FBXO33: variants seen among roughly 807,000 people sequenced by gnomAD.
The protein encoded by FBXO33 is F-box only protein 33.
Under a neutral mutation model 46.3 loss-of-function variants are expected in FBXO33, and 22 were observed. The observed-to-expected ratio is 0.48, with a 90% CI of 0.34 to 0.68. The LOEUF is 0.68. Among genes scored for constraint, FBXO33 ranks in the 30% least tolerant of loss-of-function variants. The probability of loss-of-function intolerance (pLI) is 0.01; values close to 1 mark genes in which losing one functional copy is unlikely to be tolerated. For synonymous variants in FBXO33, 337 were observed against 291.3 expected, an observed-to-expected ratio of 1.16 and a Z score of -1.60; for missense variants, 692 against 708.8, an observed-to-expected ratio of 0.98 and a Z score of 0.27.
chr14:39,428,420 G>C (rs772750759), intron 1 of FBXO33, among the ~76,000 whole-genome samples: 11 of 152,054 alleles, frequency 7.2e-5, no homozygotes, highest in African/African-American at 2.4e-4. Context: ...GGCTGGTCTC[G>C]AACTCCTGAC....
In FBXO33 at chr14:39,431,619, G is replaced by A. The variant is rs754388441; in HGVS notation, c.544C>T (p.Leu182=). ...LQLSARWLEV[L]RTYLELVLCV... ...AGCACCAGCTCCAAGTAGGTGCGCA[G>A]CACTTCCAGCCAACGAGCTGAGAGC... Residue 182 remains leucine (L), a synonymous_variant, in exon 1 of 4, where the codon CTG becomes TTG. Coordinates refer to ENST00000298097, the MANE Select transcript of FBXO33 (RefSeq NM_203301.4). 6.2e-7 allele frequency: 1 copy of A among 1,613,576 alleles called. No individual in the cohort carries two copies. The highest frequency in any genetic ancestry group is 1.7e-5 in the Admixed American group (1 of 60,036).
Position 39,431,568 on chromosome 14 carries a change from T to G in FBXO33, c.595A>C (p.Asn199His). 1 of 1,612,040 alleles carries G rather than the reference T, an allele frequency of 6.2e-7. No individual in the cohort carries two copies. Among genetic ancestry groups the G allele is most frequent in the Non-Finnish European group, 8.5e-7 (1 of 1,180,008 alleles). ...CGGGGCTCAGGGCAAGCCTACCTGT[T>G]GTTCCGGATGCTGACCAGCACGCAA... ...VLCVLVSIRN[N>H]RNLQKFSLFG... is the part of the protein sequence containing the mutation. The change falls in exon 1 of 4, where the codon AAC (asparagine) becomes CAC (histidine). Residue 199 changes from asparagine (N) to histidine (H), a missense_variant. Coordinates refer to ENST00000298097, the MANE Select transcript of FBXO33 (RefSeq NM_203301.4).
At chr14:39,402,354 CAT>C in intron 2 of FBXO33, 45 bp downstream of exon 2, 1 of 1,067,186 alleles carries the variant, frequency 9.4e-7, no homozygotes, top group Non-Finnish European at 1.3e-6. Flanking sequence ...TTAGGAAAAA[CAT>C]ATTATTAATA....
chr14:39,420,722 T>TA (rs1290642119), intron 1 of FBXO33, among the ~76,000 whole-genome samples: 1 of 151,812 alleles, frequency 6.6e-6, no homozygotes, highest in African/African-American at 2.4e-5. Flanking sequence ...GCAAATGTGG[T>TA]AAAATCTTCA....
chr14:39,423,050 A>C (rs2075493048), intron 1 of FBXO33, among the ~76,000 whole-genome samples: 1 of 152,178 alleles, frequency 6.6e-6, no homozygotes, highest in Admixed American at 6.5e-5. Context: ...TGAACCTGGG[A>C]AGCGGAGGTT....
In FBXO33 at chr14:39,398,813, G is replaced by A. The variant is rs1461045903; in HGVS notation, c.*703C>T. ...TTCTTCCCCCACTATTTGAAATCTG[G>A]GCTAAATGAATGTGTAATGTAATTG... On this transcript the variant is annotated 3_prime_UTR_variant, in exon 4 of 4. Coordinates refer to ENST00000298097, the MANE Select transcript of FBXO33 (RefSeq NM_203301.4). 1 of 152,334 alleles carries A rather than the reference G, an allele frequency of 6.6e-6. No individual in the cohort carries two copies. Among genetic ancestry groups the A allele is most frequent in the Middle Eastern group, 3.4e-3 (1 of 294 alleles). The allele number at this position is 152,334 out of a possible 1,614,324, so 9.4% of individuals were successfully genotyped here.
chr14:39,423,356 CT>C (rs1428420751), intron 1 of FBXO33, among the ~76,000 whole-genome samples: 1 of 152,110 alleles, frequency 6.6e-6, no homozygotes, highest in African/African-American at 2.4e-5. Context: ...TTTTGAAAAG[CT>C]TTTTGGTTAT....
At chr14:39,424,830 G>A (rs2075503110) in intron 1 of FBXO33, among the ~76,000 whole-genome samples, 2 of 152,100 alleles carry the variant, frequency 1.3e-5, no homozygotes, top group African/African-American at 4.8e-5. Context: ...CAAGGCAGGC[G>A]GATCATGAGG....
chr14:39,402,159 AAAGGC>A (rs998903668), intron 2 of FBXO33, among the ~76,000 whole-genome samples: 2 of 152,242 alleles, frequency 1.3e-5, no homozygotes, highest in African/African-American at 4.8e-5. Context: ...ATGTTATAGC[AAAGGC>A]AAGTAGAGGA....
Position 39,401,166 on chromosome 14 carries a change from G to T in FBXO33, c.1396+10C>A. On this transcript the variant is annotated intron_variant, in intron 3 of 3. Coordinates refer to ENST00000298097, the MANE Select transcript of FBXO33 (RefSeq NM_203301.4). ...TCCAGTATCAGATTACAATGAACAAGATCACCTACCATGAATTGCCAGAAG... is the reference window on the plus strand; with the variant it reads ...TCCAGTATCAGATTACAATGAACAATATCACCTACCATGAATTGCCAGAAG... The T allele has an allele frequency of 3.2e-6, 5 of 1,564,256 alleles. No homozygotes were observed. Among genetic ancestry groups the T allele is most frequent in the South Asian group, 1.2e-5 (1 of 80,832 alleles).
At chr14:39,418,988 C>A (rs1485670410) in intron 1 of FBXO33, among the ~76,000 whole-genome samples, 1 of 152,090 alleles carries the variant, frequency 6.6e-6, no homozygotes, top group Non-Finnish European at 1.5e-5. Context: ...ACAATACATG[C>A]ACAAACTTTC....
intron 1 of FBXO33, 74 bp downstream of exon 1, chr14:39,431,490 C>G (rs1327629851): frequency 6.3e-7 from 1 of 1,593,804 alleles, no homozygotes; most frequent in East Asian, 2.2e-5. Flanking sequence ...GTATTATGCA[C>G]AGAATCTGTG....
chr14:39,411,488 A>G (rs1273682818), intron 1 of FBXO33, among the ~76,000 whole-genome samples: 1 of 149,670 alleles, frequency 6.7e-6, no homozygotes, highest in Non-Finnish European at 1.5e-5. Context: ...GTTGTTTTTT[A>G]TTTTTATTTG....
chr14:39,430,387 A>G (rs1178946965), intron 1 of FBXO33, among the ~76,000 whole-genome samples: 1 of 152,150 alleles, frequency 6.6e-6, no homozygotes, highest in Admixed American at 6.5e-5. Context: ...TATATATATA[A>G]CCTTATATCT....
rs117883003 is a variant in FBXO33 at position 39,411,433 on chromosome 14, T to C, written c.600-8922A>G. Among the ~76,000 whole-genome samples, 140 of 152,194 alleles carry C rather than the reference T, an allele frequency of 9.2e-4. 3 individuals are homozygous for C. The South Asian group carries it at 1.0e-2, about 11-fold the overall frequency. On this transcript the variant is annotated intron_variant, in intron 1 of 3. Transcript: ENST00000298097. ...ACATAGGGCATTTTTTGCTATAAAT[T>C]TTCCTTTTAGTATTGCTTTTGCCAC...
chr14:39,401,102 T>C, intron 3 of FBXO33, 74 bp downstream of exon 3: 1 of 1,326,890 alleles, frequency 7.5e-7, no homozygotes, highest in Non-Finnish European at 1.0e-6. Context: ...TAAAGGTCAG[T>C]GCTATCTCTT....
intron 1 of FBXO33, among the ~76,000 whole-genome samples, chr14:39,407,015 A>C (rs2075401837): frequency 6.6e-6 from 1 of 152,196 alleles, no homozygotes; most frequent in Non-Finnish European, 1.5e-5. Context: ...AAAAATTCTA[A>C]GGAATCTAAA....
chr14:39,399,542 T>A lies in FBXO33; in HGVS notation c.1642A>T (p.Met548Leu), dbSNP rs1305323056. 1.9e-6 allele frequency: 3 copies of A among 1,612,250 alleles called. No homozygotes were observed. Among genetic ancestry groups the A allele is most frequent in the Non-Finnish European group, 2.5e-6 (3 of 1,178,942 alleles). The change falls in exon 4 of 4, where the codon ATG becomes TTG. Residue 548 changes from methionine (M) to leucine (L), a missense_variant. This residue lies in a region of FBXO33 where 94 missense variants were observed against 91.9 expected (regional missense o/e 1.02). Transcript: ENST00000298097. Reference sequence around the variant, plus strand: ...TAAATGTCTTCACTGAAGCTTTGCATCTCTCTGTAAAAATGACGATTTGGT... The same window carrying A: ...TAAATGTCTTCACTGAAGCTTTGCAACTCTCTGTAAAAATGACGATTTGGT... ...TEPNRHFYREMQSFSEDI is the reference protein window; with the variant it reads ...TEPNRHFYRELQSFSEDI
Position 39,432,160 on chromosome 14 carries a change from C to CATCAAT in FBXO33, c.-4_2dup (p.Ile1_?0). On this transcript the variant is annotated start_lost and start_retained_variant, in exon 1 of 4. Coordinates refer to ENST00000298097, the MANE Select transcript of FBXO33 (RefSeq NM_203301.4). ...GCTGCGGCACTGACAAGAACAACAACATCAATGACTAGGAAGAAGGGGGCG... is the reference window on the plus strand; with the variant it reads ...GCTGCGGCACTGACAAGAACAACAACATCAATATCAATGACTAGGAAGAAGGGGGCG... 8.1e-7 allele frequency: 1 copy of CATCAAT among 1,234,452 alleles called. No homozygotes were observed. Among genetic ancestry groups the CATCAAT allele is most frequent in the Non-Finnish European group, 1.0e-6 (1 of 987,870 alleles). 76.5% of individuals were successfully genotyped at this position (1,234,452 alleles called of 1,614,324 possible).
Sources: gnomAD v4.1 joint callset for allele counts (sites outside exome capture counted in the v4.1 genomes callset) on GRCh38, gnomAD v4.1.1 for gene constraint, gnomAD v4.1.1 regional missense constraint, MANE v1.5 for transcripts, NCBI Gene and HGNC (gene_info 2026-07-23, HGNC 2026-07-21) for gene names.